Variants in BMPR1A observed in about 807,000 individuals in gnomAD.
BMPR1A encodes bone morphogenetic protein receptor type-1A.
Under a neutral mutation model 66.0 loss-of-function variants are expected in BMPR1A, and 7 were observed. That is an observed-to-expected ratio of 0.11 (90% confidence interval 0.06 to 0.20). BMPR1A has a LOEUF of 0.20. Ranked by LOEUF, BMPR1A falls within the 10% of genes least tolerant of loss-of-function variation. The pLI, the probability that BMPR1A is intolerant of heterozygous loss-of-function variation, is 1.00. For synonymous variants in BMPR1A, 200 were observed against 229.7 expected, an observed-to-expected ratio of 0.87 and a Z score of 1.17; for missense variants, 408 against 669.1, an observed-to-expected ratio of 0.61 and a Z score of 4.31.
intron 1 of BMPR1A, among the ~76,000 whole-genome samples, chr10:86,812,074 A>C (rs995468877): frequency 4.6e-5 from 7 of 151,710 alleles, no homozygotes; most frequent in Non-Finnish European, 7.4e-5. Flanking sequence ...AAAAAAAAAA[A>C]CCCTAAAAAT....
chr10:86,827,682 G>C (rs532298113), intron 1 of BMPR1A, among the ~76,000 whole-genome samples: 149 of 152,294 alleles, frequency 9.8e-4, no homozygotes, highest in African/African-American at 3.5e-3. Flanking sequence ...TGAGAGGATG[G>C]ACAAGTGAGT....
upstream of BMPR1A, chr10:86,756,607 T>G (rs907637587): frequency 2.0e-5 from 3 of 148,812 alleles, no homozygotes; most frequent in African/African-American, 7.4e-5. Context: ...CGCCGCCCCC[T>G]CCCCTCCTGG....
At chr10:86,790,247 A>G (rs1035064692) in intron 1 of BMPR1A, among the ~76,000 whole-genome samples, 4 of 123,112 alleles carry the variant, frequency 3.2e-5, no homozygotes, top group African/African-American at 5.8e-5. Context: ...CAAAACCACA[A>G]TGAGATTCTG....
At chr10:86,882,663 A>G (rs1223847972) in intron 3 of BMPR1A, among the ~76,000 whole-genome samples, 3 of 122,150 alleles carry the variant, frequency 2.5e-5, no homozygotes, top group East Asian at 2.1e-4. Flanking sequence ...TACTTTTAGG[A>G]AAAAAAAAAA....
chr10:86,847,301 T>C (rs930088440), intron 2 of BMPR1A, among the ~76,000 whole-genome samples: 1 of 152,098 alleles, frequency 6.6e-6, no homozygotes, highest in Non-Finnish European at 1.5e-5. Context: ...TAACTTTATC[T>C]TCCAGCCTAA....
chr10:86,868,778 G>GTTTTTTTTTTTTTT (rs55872033), intron 2 of BMPR1A, among the ~76,000 whole-genome samples: 3,669 of 139,684 alleles, frequency 0.026, 72 homozygotes, highest in Non-Finnish European at 0.04. Flanking sequence ...CTTTTCCTGT[G>GTTTTTTTTTTTTTT]TTTTTTTTTT....
intron 1 of BMPR1A, among the ~76,000 whole-genome samples, chr10:86,815,271 C>T (rs1048929494): frequency 2.0e-5 from 3 of 152,184 alleles, no homozygotes; most frequent in Non-Finnish European, 2.9e-5. Flanking sequence ...TCTCCTGTTT[C>T]TACTACTGCC....
Position 86,890,261 on chromosome 10 carries a change from G to A in BMPR1A, c.230+37G>A, listed in dbSNP as rs201927554. The A allele has an allele frequency of 1.2e-3, 1,911 of 1,608,578 alleles. 38 individuals are homozygous for A. The South Asian group carries it at 0.02, about 17-fold the overall frequency. On this transcript the variant is annotated intron_variant, in intron 4 of 12. Coordinates refer to ENST00000372037, the MANE Select transcript of BMPR1A (RefSeq NM_004329.3). ...ATGCAGCCCTTCTTAAGAGTTAGGA[G>A]AATAGAGTTGCATTTAGTGCTATTT...
At chr10:86,766,665 G>T (rs1385360834) in intron 1 of BMPR1A, among the ~76,000 whole-genome samples, 3 of 140,748 alleles carry the variant, frequency 2.1e-5, no homozygotes, top group African/African-American at 3.0e-5. Context: ...ACCCAGGCGG[G>T]AGTGCAGTGG....
In BMPR1A at chr10:86,892,245, G is replaced by T. The variant is rs2133409257; in HGVS notation, c.333+16G>T. The T allele has an allele frequency of 6.3e-7, 1 of 1,599,196 alleles. No individual in the cohort carries two copies. Among genetic ancestry groups the T allele is most frequent in the South Asian group, 1.1e-5 (1 of 90,678 alleles). On this transcript the variant is annotated intron_variant, in intron 5 of 12. Coordinates refer to ENST00000372037, the MANE Select transcript of BMPR1A (RefSeq NM_004329.3). ...TCAGTGCAAAGTAAGATATAATTTGGGACCCATGAGACAAAGAAGGGAGGG... is the reference window on the plus strand; with the variant it reads ...TCAGTGCAAAGTAAGATATAATTTGTGACCCATGAGACAAAGAAGGGAGGG...
chr10:86,782,299 T>C (rs956348192), intron 1 of BMPR1A, among the ~76,000 whole-genome samples: 1 of 152,210 alleles, frequency 6.6e-6, no homozygotes, highest in African/African-American at 2.4e-5. Flanking sequence ...GACAAGAGTA[T>C]GTAAATATCT....
intron 1 of BMPR1A, among the ~76,000 whole-genome samples, chr10:86,828,933 T>C (rs1193163447): frequency 6.6e-6 from 1 of 152,226 alleles, no homozygotes; most frequent in African/African-American, 2.4e-5. Flanking sequence ...GTTTTTATGC[T>C]TCATTGTTGG....
chr10:86,761,573 C>T (rs773530522), intron 1 of BMPR1A, among the ~76,000 whole-genome samples: 3 of 152,206 alleles, frequency 2.0e-5, no homozygotes, highest in East Asian at 1.9e-4. Context: ...GGATTAAACC[C>T]ATTTATGCCT....
At chr10:86,815,370 CTG>C (rs1022877911) in intron 1 of BMPR1A, among the ~76,000 whole-genome samples, 1 of 151,786 alleles carries the variant, frequency 6.6e-6, no homozygotes, top group Non-Finnish European at 1.5e-5. Context: ...AGTTTTTTTT[CTG>C]TGTGAGTGAG....
rs1227991692 is a variant in BMPR1A, at chr10:86,790,177, AAAAAAAAAAAAATATATATAT to A, written c.-268+33260_-268+33280del. Among the ~76,000 whole-genome samples the A allele has an allele frequency of 1.8e-3, 81 of 44,066 alleles. 6 individuals carry two copies. The highest frequency in any genetic ancestry group is 7.1e-3 in the African/African-American group (75 of 10,630). The allele number at this position is 44,066 out of a possible 152,430, so 28.9% of individuals were successfully genotyped here. A position where few individuals can be genotyped will look rare whatever the true frequency, so the allele number is the denominator to read the frequency against. On this transcript the variant is annotated intron_variant, in intron 1 of 12. Transcript: ENST00000372037. ...ACTCTGTCTCCAAAAAAAAAAAAAA[AAAAAAAAAAAAATATATATAT>A]ATATATATATATATATATATATATA... is the stretch of plus-strand genomic sequence containing the variant.
rs533846201 is a variant in BMPR1A at position 86,917,870 on chromosome 10, A to T, written c.868+544A>T. Among the ~76,000 whole-genome samples the T allele has an allele frequency of 2.6e-5, 4 of 152,324 alleles. No homozygotes were observed. The South Asian group carries it at 8.3e-4, about 32-fold the overall frequency. ...GAGAGCCCATAGCATGTTGCCAAGC[A>T]GGCAATTGTATTAGTTTCCTAGGGC... On this transcript the variant is annotated intron_variant, in intron 9 of 12. Transcript: ENST00000372037.
intron 1 of BMPR1A, among the ~76,000 whole-genome samples, chr10:86,764,850 A>C (rs536255391): frequency 2.6e-5 from 4 of 152,226 alleles, no homozygotes; most frequent in Non-Finnish European, 5.9e-5. Flanking sequence ...AAGATGTAAA[A>C]TATCTCATTA....
chr10:86,895,087 C>T (rs1203318493), intron 5 of BMPR1A, among the ~76,000 whole-genome samples: 2 of 152,224 alleles, frequency 1.3e-5, no homozygotes, highest in Non-Finnish European at 1.5e-5. Context: ...GTAAAGGCAT[C>T]AGTGTAGGCT....
At chr10:86,912,971 G>C (rs1374176269) in intron 8 of BMPR1A, among the ~76,000 whole-genome samples, 1 of 151,878 alleles carries the variant, frequency 6.6e-6, no homozygotes, top group Admixed American at 6.6e-5. Context: ...ATCCCAGCAG[G>C]TTCATTTATA....
Sources: gnomAD v4.1 joint callset for allele counts (sites outside exome capture counted in the v4.1 genomes callset) on GRCh38, gnomAD v4.1.1 for gene constraint, MANE v1.5 for transcripts, NCBI Gene and HGNC (gene_info 2026-07-23, HGNC 2026-07-21) for gene names.